ITIH6: variants seen among roughly 807,000 people sequenced by gnomAD.
ITIH6 encodes inter-alpha-trypsin inhibitor heavy chain family member 6, also known as inter-alpha-trypsin inhibitor heavy chain H6.
In ITIH6, 60 loss-of-function variants were observed where a neutral mutation model predicts 58.2. That is an observed-to-expected ratio of 1.03 (90% CI 0.84 to 1.28). ITIH6 has a LOEUF of 1.28. ITIH6 is among the 50% of genes most tolerant of loss of function. The pLI is 0.00. For missense variants in ITIH6, 1,290 were observed against 1,021.1 expected, an observed-to-expected ratio of 1.26 and a Z score of -3.59; for synonymous variants, 493 against 417.4, an observed-to-expected ratio of 1.18 and a Z score of -2.21.
At chrX:54,759,513 G>C (rs932736034) in intron 7 of ITIH6, among the ~76,000 whole-genome samples, 3 of 112,340 alleles carry the variant, frequency 2.7e-5, no homozygotes, top group Non-Finnish European at 5.6e-5. Flanking sequence ...TTGCTTTAAA[G>C]AAGAGGAAAC....
At chrX:54,791,276 C>A (rs185522648) in intron 3 of ITIH6, among the ~76,000 whole-genome samples, 192 bp from the exon 4 acceptor site, 1 of 109,044 alleles carries the variant, frequency 9.2e-6, no homozygotes, top group East Asian at 2.9e-4. Flanking sequence ...TCCCTCCCTC[C>A]CTCATTCAGC....
intron 11 of ITIH6, 108 bp from the exon 12 acceptor site, chrX:54,751,488 C>T (rs1367078003): frequency 5.4e-6 from 5 of 930,297 alleles, no homozygotes; most frequent in Middle Eastern, 7.7e-4. Context: ...GCTAGAGGGC[C>T]GACTCCTGAG....
intron 5 of ITIH6, among the ~76,000 whole-genome samples, chrX:54,778,977 T>C (rs1326028058): frequency 8.9e-6 from 1 of 112,427 alleles, no homozygotes; most frequent in Non-Finnish European, 1.9e-5. Context: ...AGTGTCATGA[T>C]GTATTTAAAA....
Position 54,750,076 on chromosome X carries a change from A to C in ITIH6, c.3761T>G (p.Val1254Gly). 8.3e-7 allele frequency: 1 copy of C among 1,209,858 alleles called. No individual in the cohort carries two copies. The highest frequency in any genetic ancestry group is 1.7e-5 in the African/African-American group (1 of 57,704). ...TAAGCATGGCCCCATAGGTCCTGTC[A>C]CCAGTCGGATGTCTGCGTGCTGGAA... ...GQFQHADIRL[V>G]TGPMGPCLRR... The change falls in exon 13 of 13, where the codon GTG (valine) becomes GGG (glycine). Residue 1254 changes from valine (V) to glycine (G), a missense_variant. Coordinates refer to ENST00000218436, the MANE Select transcript of ITIH6 (RefSeq NM_198510.3).
intron 2 of ITIH6, 123 bp from the exon 3 acceptor site, chrX:54,792,159 C>G: frequency 2.1e-6 from 1 of 470,071 alleles, no homozygotes; most frequent in African/African-American, 2.4e-5. Context: ...GAAAGAACAA[C>G]ACAGTGCCAT....
intron 5 of ITIH6, among the ~76,000 whole-genome samples, chrX:54,776,276 T>C (rs750616904): frequency 5.3e-4 from 59 of 111,168 alleles, no homozygotes; most frequent in Admixed American, 4.9e-3. Context: ...CATGTCAGCA[T>C]GTCAGCTGTT....
rs757499863 is a variant in ITIH6, at chrX:54,757,588, G to T, written c.2486C>A (p.Pro829His). Reference protein sequence around the residue: ...KYPLHTRPRVPAPKTRNNMPH... With the variant: ...KYPLHTRPRVHAPKTRNNMPH... Reference sequence around the variant, plus strand: ...CATGTTGTTTCGGGTCTTGGGAGCAGGAACCCTAGGTCTGGTGTGTAGTGG... The same window carrying T: ...CATGTTGTTTCGGGTCTTGGGAGCATGAACCCTAGGTCTGGTGTGTAGTGG... The change falls in exon 8 of 13, where the codon CCT becomes CAT. Residue 829 changes from proline to histidine, a missense_variant. Transcript: ENST00000218436. The T allele has an allele frequency of 1.6e-5, 19 of 1,208,645 alleles. No individual in the cohort carries two copies. The highest frequency in any genetic ancestry group is 2.1e-5 in the Non-Finnish European group (19 of 894,764).
chrX:54,772,468 A>G (rs1183947220), intron 6 of ITIH6, among the ~76,000 whole-genome samples: 2 of 112,468 alleles, frequency 1.8e-5, no homozygotes, highest in African/African-American at 3.2e-5. Context: ...TACCCATGTA[A>G]CAAACCTGCT....
At chrX:54,765,184 C>T (rs1425222754) in intron 6 of ITIH6, among the ~76,000 whole-genome samples, 3 of 45,459 alleles carry the variant, frequency 6.6e-5, no homozygotes, top group Non-Finnish European at 8.0e-5. Context: ...GAGTAGGTTG[C>T]GAAAATTTTC....
Position 54,758,444 on chromosome X carries a change from T to C in ITIH6, c.1630A>G (p.Lys544Glu). The C allele has an allele frequency of 8.3e-6, 10 of 1,209,754 alleles. No individual in the cohort carries two copies. Among genetic ancestry groups the C allele is most frequent in the Non-Finnish European group, 1.1e-5 (10 of 894,538 alleles). Reference sequence around the variant, plus strand: ...GGCTCCCCTGGGCAACCAAAGGCCTTCTGGCTGTTGTTGGTGGCCCCTTCA... The same window carrying C: ...GGCTCCCCTGGGCAACCAAAGGCCTCCTGGCTGTTGTTGGTGGCCCCTTCA... The part of the protein sequence containing the change: ...HSEGATNNSQ[K>E]AFGCPGEPAP... The change falls in exon 8 of 13, where the codon AAG (lysine) becomes GAG (glutamate). Residue 544 changes from lysine (K) to glutamate (E), a missense_variant. Lys to Glu is a moderately conservative substitution (Grantham distance 56). Transcript: ENST00000218436.
chrX:54,763,764 G>A (rs1194319097), intron 6 of ITIH6, among the ~76,000 whole-genome samples: 1 of 112,012 alleles, frequency 8.9e-6, no homozygotes. Context: ...CTGATAAAGC[G>A]ATGATGAAGT....
rs150291663 is a variant in ITIH6, at chrX:54,759,884, T to C, written c.947A>G (p.Asn316Ser). Reference sequence around the variant, plus strand: ...AAAGGAGATGATGTTGAAGTAGTCATTGGCTTGAAGGTCACTGAGGATCAC... The same window carrying C: ...AAAGGAGATGATGTTGAAGTAGTCACTGGCTTGAAGGTCACTGAGGATCAC... The part of the protein sequence containing the change: ...MNVILSDLQA[N>S]DYFNIISFSD... The change falls in exon 7 of 13, where the codon AAT becomes AGT. Residue 316 changes from asparagine to serine, a missense_variant. By Grantham distance (46) the Asn-to-Ser change is conservative (BLOSUM62 1). Coordinates refer to ENST00000218436, the MANE Select transcript of ITIH6 (RefSeq NM_198510.3). The C allele has an allele frequency of 2.5e-6, 3 of 1,210,644 alleles. No homozygotes were observed. The highest frequency in any genetic ancestry group is 3.4e-6 in the Non-Finnish European group (3 of 894,435).
At chrX:54,769,977 C>T (rs1281117418) in intron 6 of ITIH6, among the ~76,000 whole-genome samples, 23 of 110,155 alleles carry the variant, frequency 2.1e-4, no homozygotes, top group Non-Finnish European at 3.6e-4. Context: ...CCTCCCCCAG[C>T]CTTGCTGCCG....
chrX:54,796,360 G>A (rs1358660755), intron 2 of ITIH6, among the ~76,000 whole-genome samples: 1 of 112,300 alleles, frequency 8.9e-6, no homozygotes, highest in African/African-American at 3.2e-5. Context: ...TTTAGCATAT[G>A]TTTCCATGTA....
At position 54,751,233 on chromosome X, in the gene ITIH6, C is replaced by G; in HGVS notation, c.3500G>C (p.Arg1167Pro). 2 of 1,211,774 alleles carry G rather than the reference C, an allele frequency of 1.7e-6. No homozygotes were observed. Among genetic ancestry groups the G allele is most frequent in the Non-Finnish European group, 2.2e-6 (2 of 895,447 alleles). Reference sequence around the variant, plus strand: ...GGACAGGCGCAAGGTACCCTCGCCTCGCAAAGATATAGAACTGCGGCTGAT... The same window carrying G: ...GGACAGGCGCAAGGTACCCTCGCCTGGCAAAGATATAGAACTGCGGCTGAT... ...ITISRSSISL[R>P]GEGTLRLSWD... The change falls in exon 12 of 13, where the codon CGA (arginine) becomes CCA (proline). Residue 1167 changes from arginine (R) to proline (P), a missense_variant. Transcript: ENST00000218436.
At position 54,756,908 on chromosome X, in the gene ITIH6, G is replaced by A. The variant is rs1928497777; in HGVS notation, c.3109+57C>T. On this transcript the variant is annotated intron_variant, in intron 8 of 12. Coordinates refer to ENST00000218436, the MANE Select transcript of ITIH6 (RefSeq NM_198510.3). ...TAAGCCTTGTAGATTCCCAGCTCCT[G>A]GTACTGTCCATTCATACCTCACCCT... The A allele has an allele frequency of 1.3e-5, 10 of 746,537 alleles. No individual in the cohort carries two copies. The South Asian group carries it at 2.0e-4, about 15-fold the overall frequency. 61.5% of individuals were successfully genotyped at this position (746,537 alleles called of 1,213,427 possible).
Position 54,749,632 on chromosome X carries a change from T to C in ITIH6, c.*263A>G. 3.2e-6 allele frequency: 1 copy of C among 310,775 alleles called. No homozygotes were observed. Among genetic ancestry groups the C allele is most frequent in the Non-Finnish European group, 5.6e-6 (1 of 177,962 alleles). The allele number at this position is 310,775 out of a possible 1,213,427, so 25.6% of individuals were successfully genotyped here. On this transcript the variant is annotated 3_prime_UTR_variant, in exon 13 of 13. Coordinates refer to ENST00000218436, the MANE Select transcript of ITIH6 (RefSeq NM_198510.3). ...ATTTTTTCGTTTTACAAAAGTGGCT[T>C]GTAGGGCTGGTGAGGAGCATGGATT... is the stretch of plus-strand genomic sequence containing the variant.
intron 9 of ITIH6, 60 bp from the exon 10 acceptor site, chrX:54,754,025 C>G (rs1442937536): frequency 4.5e-6 from 5 of 1,102,263 alleles, no homozygotes; most frequent in Non-Finnish European, 6.2e-6. Flanking sequence ...CCTAGGAATT[C>G]TGGGACATAC....
chrX:54,776,799 C>T (rs965295031), intron 5 of ITIH6, among the ~76,000 whole-genome samples: 10 of 111,579 alleles, frequency 9.0e-5, no homozygotes, highest in South Asian at 3.8e-4. Flanking sequence ...CAATAATGCC[C>T]AGGTACTACA....
Sources: allele counts gnomAD v4.1 joint callset (sites outside exome capture counted in the v4.1 genomes callset), GRCh38; gene constraint gnomAD v4.1.1; transcripts MANE v1.5; gene names NCBI Gene and HGNC (gene_info 2026-07-23, HGNC 2026-07-21).